Variants in HHLA1 observed in about 807,000 individuals in gnomAD.
HHLA1 encodes HHLA1 neighbor of OC90, also known as HERV-H LTR-associating protein 1.
In HHLA1, 72 loss-of-function variants were observed where a neutral mutation model predicts 69.9. That is an observed-to-expected ratio of 1.03 (90% CI 0.85 to 1.25). HHLA1 has a LOEUF of 1.25. Ranked by LOEUF, HHLA1 falls within the 50% of genes most tolerant of loss-of-function variation. HHLA1 has a pLI of 0.00. For synonymous variants in HHLA1, 252 were observed against 233.2 expected, an observed-to-expected ratio of 1.08 and a Z score of -0.73; for missense variants, 685 against 642.2, an observed-to-expected ratio of 1.07 and a Z score of -0.72.
chr8:132,110,209 G>C lies in HHLA1; in HGVS notation c.-22+893C>G, dbSNP rs375279244. On this transcript the variant is annotated intron_variant, in intron 1 of 16. Transcript: ENST00000414222. Reference sequence around the variant, plus strand: ...TGGAAATACACACTGGAGTGTCAGCGGGTGTGGGCTAGCCACAGTGAGTGA... The same window carrying C: ...TGGAAATACACACTGGAGTGTCAGCCGGTGTGGGCTAGCCACAGTGAGTGA... Among the ~76,000 whole-genome samples, 17 of 152,276 alleles carry C rather than the reference G, an allele frequency of 1.1e-4. No homozygotes were observed. In the South Asian group the frequency reaches 3.3e-3, roughly 30 times the overall value.
rs1046612283 is a variant in HHLA1, at chr8:132,079,931, G to A, written c.712C>T (p.Pro238Ser). Reference sequence around the variant, plus strand: ...AGTGTTTTCTGGCTTTTGGTTGTGGGCTTTGAAGTCCTGGCAGTTCCCCTG... The same window carrying A: ...AGTGTTTTCTGGCTTTTGGTTGTGGACTTTGAAGTCCTGGCAGTTCCCCTG... ...ATRGTARTSK[P>S]TTKSQKTLPS... Residue 238 changes from proline to serine, a missense_variant, in exon 11 of 17, where the codon CCC becomes TCC. By Grantham distance (74) the Pro-to-Ser change is moderately conservative. Transcript: ENST00000414222. The A allele has an allele frequency of 2.6e-5, 40 of 1,552,212 alleles. No individual in the cohort carries two copies. The highest frequency in any genetic ancestry group is 3.3e-5 in the Non-Finnish European group (38 of 1,147,132).
rs1257307411 is a variant in HHLA1 at position 132,076,124 on chromosome 8, G to A, written c.1246C>T (p.Leu416Phe). The A allele has an allele frequency of 2.6e-6, 4 of 1,550,414 alleles. No individual in the cohort carries two copies. In the African/African-American group the frequency reaches 5.5e-5, roughly 21 times the overall value. ...TAPRYPQTGDLSAEWPFTAGE... is the reference protein window; with the variant it reads ...TAPRYPQTGDFSAEWPFTAGE... ...GCAGTGAATGGCCACTCTGCAGAGA[G>A]ATCACCTGCAAAGGGCAGGAATGGC... The change falls in exon 14 of 17, where the codon CTC becomes TTC. Residue 416 changes from leucine to phenylalanine, a missense_variant. Physicochemically the swap from Leu to Phe is conservative, Grantham distance 22 (BLOSUM62 0). Coordinates refer to ENST00000414222, the MANE Select transcript of HHLA1 (RefSeq NM_001145095.3).
intron 7 of HHLA1, among the ~76,000 whole-genome samples, chr8:132,090,485 G>T (rs1212974114): frequency 1.3e-5 from 2 of 152,216 alleles, no homozygotes; most frequent in Non-Finnish European, 2.9e-5. Context: ...GGGATCAGGA[G>T]TTTGTGCAGG....
At chr8:132,084,046 T>G (rs1440509001) in intron 10 of HHLA1, among the ~76,000 whole-genome samples, 1 of 152,002 alleles carries the variant, frequency 6.6e-6, no homozygotes, top group Non-Finnish European at 1.5e-5. Context: ...TGGATTTTTA[T>G]ATTTGATGAA....
At chr8:132,106,762 C>T (rs990790151) in intron 1 of HHLA1, among the ~76,000 whole-genome samples, 1 of 152,178 alleles carries the variant, frequency 6.6e-6, no homozygotes, top group Non-Finnish European at 1.5e-5. Flanking sequence ...CTAAATTCTC[C>T]ACTGAGAGAG....
rs902415718 is a variant in HHLA1 at position 132,066,015 on chromosome 8, C to T, written c.1470-47G>A. On this transcript the variant is annotated intron_variant, in intron 15 of 16. Coordinates refer to ENST00000414222, the MANE Select transcript of HHLA1 (RefSeq NM_001145095.3). The stretch of plus-strand genomic sequence containing the variant: ...GGGAGCAATAACTATCCTGTGATGG[C>T]TATTAGAAGACAGCCAGAGTTTTAA... 4.8e-6 allele frequency: 4 copies of T among 827,582 alleles called. No individual in the cohort carries two copies. The African/African-American group carries it at 5.3e-5, about 11-fold the overall frequency. The allele number at this position is 827,582 out of a possible 1,614,324, so 51.3% of individuals were successfully genotyped here. A position where few individuals can be genotyped will look rare whatever the true frequency, so the allele number is the denominator to read the frequency against.
intron 8 of HHLA1, 123 bp downstream of exon 8, chr8:132,089,393 A>T: frequency 1.4e-6 from 1 of 689,780 alleles, no homozygotes. Flanking sequence ...TAAAGATTAC[A>T]TGAACGTTTC....
At chr8:132,105,165 G>T (rs770444333) in intron 2 of HHLA1, 22 bp downstream of exon 2, 15 of 1,527,382 alleles carry the variant, frequency 9.8e-6, no homozygotes, top group Non-Finnish European at 1.8e-6. Flanking sequence ...ACAGACACTT[G>T]CAGAACTCCA....
chr8:132,063,973 C>T lies in HHLA1; in HGVS notation c.*22G>A, dbSNP rs1188844655. On this transcript the variant is annotated 3_prime_UTR_variant, in exon 17 of 17. Transcript: ENST00000414222. ...CGTATCCCCTGAAGTAATTGTTATGCCCTAGTGTTATTTTCAAGGCCTCAC... is the reference window on the plus strand; with the variant it reads ...CGTATCCCCTGAAGTAATTGTTATGTCCTAGTGTTATTTTCAAGGCCTCAC... The T allele has an allele frequency of 7.8e-7, 1 of 1,283,566 alleles. No individual in the cohort carries two copies. Among genetic ancestry groups the T allele is most frequent in the Non-Finnish European group, 1.0e-6 (1 of 971,854 alleles). The allele number at this position is 1,283,566 out of a possible 1,614,324, so 79.5% of individuals were successfully genotyped here.
At chr8:132,075,583 C>A (rs577997326) in intron 14 of HHLA1, among the ~76,000 whole-genome samples, 1 of 152,236 alleles carries the variant, frequency 6.6e-6, no homozygotes, top group East Asian at 1.9e-4. Context: ...AACAGGACAT[C>A]ATACCCAGCA....
At chr8:132,078,293 A>T (rs1216928806) in intron 11 of HHLA1, among the ~76,000 whole-genome samples, 1 of 151,928 alleles carries the variant, frequency 6.6e-6, no homozygotes, top group Non-Finnish European at 1.5e-5. Context: ...TACATTTCTA[A>T]TCATGTGACA....
At chr8:132,082,764 C>G (rs1411179488) in intron 10 of HHLA1, among the ~76,000 whole-genome samples, 1 of 152,028 alleles carries the variant, frequency 6.6e-6, no homozygotes, top group Non-Finnish European at 1.5e-5. Flanking sequence ...GTATTGAGGA[C>G]AAAAGAGGGT....
intron 5 of HHLA1, among the ~76,000 whole-genome samples, chr8:132,096,538 CAT>C (rs1319304439): frequency 1.3e-5 from 2 of 152,082 alleles, no homozygotes; most frequent in Non-Finnish European, 2.9e-5. Context: ...GGAATACTAA[CAT>C]AAACAATCAG....
At chr8:132,102,758 G>T (rs566415534) in intron 3 of HHLA1, among the ~76,000 whole-genome samples, 3 of 150,664 alleles carry the variant, frequency 2.0e-5, no homozygotes, top group Admixed American at 2.0e-4. Context: ...CAGCCAGAAT[G>T]GTGGGCCCTG....
At chr8:132,080,017 TA>T (rs1563743068) in intron 10 of HHLA1, 51 bp from the exon 11 acceptor site, 2 of 1,550,754 alleles carry the variant, frequency 1.3e-6, no homozygotes, top group South Asian at 1.2e-5. Flanking sequence ...ACTTTGGGCA[TA>T]AAAAAACTGA....
At position 132,105,173 on chromosome 8, in the gene HHLA1, C is replaced by G. The variant is rs776776467; in HGVS notation, c.79+14G>C. 12 of 1,545,626 alleles carry G rather than the reference C, an allele frequency of 7.8e-6. No homozygotes were observed. Among genetic ancestry groups the G allele is most frequent in the Non-Finnish European group, 1.1e-5 (12 of 1,141,404 alleles). On this transcript the variant is annotated intron_variant, in intron 2 of 16. Transcript: ENST00000414222. ...ATACAGAACAGACACTTGCAGAACT[C>G]CAGCTAGACCCACCTGTGTTCCAAA...
rs80273169 is a variant in HHLA1 at position 132,087,816 on chromosome 8, A to T, written c.589+29T>A. 2.2e-3 allele frequency: 3,404 copies of T among 1,548,078 alleles called. 70 individuals are homozygous for T. The African/African-American group carries it at 0.041, about 19-fold the overall frequency. The stretch of plus-strand genomic sequence containing the variant: ...GTTTTGTCTATTTCTCAGCCCAGAG[A>T]GCTTGTCAAAGAATGTCTAGTGGTT... On this transcript the variant is annotated intron_variant, in intron 9 of 16. Transcript: ENST00000414222.
Position 132,098,972 on chromosome 8 carries a change from A to AT in HHLA1, c.200-11dup. On this transcript the variant is annotated splice_polypyrimidine_tract_variant and intron_variant, in intron 4 of 16. Coordinates refer to ENST00000414222, the MANE Select transcript of HHLA1 (RefSeq NM_001145095.3). The stretch of plus-strand genomic sequence containing the variant: ...GACCTTGCGGGCAGCTCTGAAAGAG[A>AT]TTCAGAGATAATGTCACTGGCAGGC... The AT allele has an allele frequency of 6.5e-7, 1 of 1,531,900 alleles. No homozygotes were observed. The highest frequency in any genetic ancestry group is 8.8e-7 in the Non-Finnish European group (1 of 1,134,588). 94.9% of individuals were successfully genotyped at this position (1,531,900 alleles called of 1,614,324 possible). A position where few individuals can be genotyped will look rare whatever the true frequency, so the allele number is the denominator to read the frequency against.
intron 15 of HHLA1, among the ~76,000 whole-genome samples, chr8:132,069,447 T>C (rs183734866): frequency 6.6e-6 from 1 of 152,322 alleles, no homozygotes; most frequent in Non-Finnish European, 1.5e-5. Flanking sequence ...CTCTAGTATT[T>C]TTGGCCTATA....
Sources: allele counts gnomAD v4.1 joint callset (sites outside exome capture counted in the v4.1 genomes callset), GRCh38; gene constraint gnomAD v4.1.1; transcripts MANE v1.5; gene names NCBI Gene and HGNC (gene_info 2026-07-23, HGNC 2026-07-21).